Variants in CASP6 observed in about 807,000 individuals in gnomAD.
The protein encoded by CASP6 is caspase 6.
CASP6 carries 20 observed loss-of-function variants against 31.8 expected under a neutral mutation model. The ratio of observed to expected loss-of-function variants is 0.63; its 90% confidence interval spans 0.44 to 0.91. CASP6 has a LOEUF of 0.91. Ranked by LOEUF, CASP6 falls within the 40% of genes least tolerant of loss-of-function variation. CASP6 has a pLI of 0.00. For missense variants in CASP6, 328 were observed against 361.1 expected, an observed-to-expected ratio of 0.91 and a Z score of 0.74; for synonymous variants, 130 against 127.8, an observed-to-expected ratio of 1.02 and a Z score of -0.12.
At position 109,697,767 on chromosome 4, in the gene CASP6, C is replaced by A; in HGVS notation, c.85G>T (p.Glu29Ter). 6.2e-7 allele frequency: 1 copy of A among 1,612,024 alleles called. No individual in the cohort carries two copies. The highest frequency in any genetic ancestry group is 8.5e-7 in the Non-Finnish European group (1 of 1,179,358). Residue 29 changes from glutamate (E) to a stop codon, truncating the protein, a stop_gained and splice_region_variant, in exon 3 of 7, where the codon GAA becomes TAA. Coordinates refer to ENST00000265164, the MANE Select transcript of CASP6 (RefSeq NM_001226.4). LOFTEE classifies it high-confidence loss of function. ...TACTTTTCTGCCGGATCAAACATTT[C>A]TCTGTTAATGAAAAGTTGAAAAACA... The part of the protein sequence containing the change: ...MTETDAFYKR[E>*]MFDPAEKYKM...
the CASP6 span, among the ~76,000 whole-genome samples, chr4:109,670,777 A>G: frequency 2.6e-5 from 4 of 151,990 alleles, no homozygotes; most frequent in South Asian, 4.2e-4. Flanking sequence ...CAAAATCACT[A>G]CTTTTCCTTT....
At chr4:109,696,353 A>G in intron 4 of CASP6, 57 bp downstream of exon 4, 1 of 1,250,580 alleles carries the variant, frequency 8.0e-7, no homozygotes, top group Non-Finnish European at 1.2e-6. Flanking sequence ...TACAGATAGG[A>G]TAAAGGACTC....
chr4:109,664,456 GCT>G, the CASP6 span: 1 of 660,184 alleles, frequency 1.5e-6, no homozygotes, highest in South Asian at 1.7e-5. Context: ...ATTCTCACTT[GCT>G]CTGTTTCCCA....
At chr4:109,667,217 C>T in the CASP6 span, among the ~76,000 whole-genome samples, 1 of 152,002 alleles carries the variant, frequency 6.6e-6, no homozygotes, top group East Asian at 1.9e-4. Context: ...CCATCTGGAC[C>T]TGGTGCTTTC....
At chr4:109,704,319 C>T (rs1396551234), upstream of CASP6, among the ~76,000 whole-genome samples, 1 of 152,118 alleles carries the variant, frequency 6.6e-6, no homozygotes, top group Non-Finnish European at 1.5e-5. Context: ...GGAGAAAAGC[C>T]AAGTCATGAA....
chr4:109,685,358 C>G, downstream of CASP6: 1 of 1,451,416 alleles, frequency 6.9e-7, no homozygotes. Context: ...TAAAAGAAGA[C>G]CTTGCTAAGG....
intron 5 of CASP6, chr4:109,692,682 TAA>T (rs1730096326): frequency 2.0e-5 from 3 of 152,084 alleles, no homozygotes; most frequent in African/African-American, 7.3e-5. Context: ...TCAACACGAG[TAA>T]ACTCATCTAA....
At chr4:109,698,956 C>T (rs899859787) in intron 1 of CASP6, among the ~76,000 whole-genome samples, 1 of 152,214 alleles carries the variant, frequency 6.6e-6, no homozygotes, top group Non-Finnish European at 1.5e-5. Flanking sequence ...TCTCTACTCT[C>T]TAGAGCAGTG....
At chr4:109,709,481 G>A in the CASP6 span, among the ~76,000 whole-genome samples, 1 of 152,152 alleles carries the variant, frequency 6.6e-6, no homozygotes, top group Non-Finnish European at 1.5e-5. Context: ...CCATAAAAGT[G>A]ACTTATTGAA....
chr4:109,674,150 G>A, the CASP6 span: 10,992 of 1,165,850 alleles, frequency 9.4e-3, 328 homozygotes, highest in East Asian at 0.056. Flanking sequence ...CTTGTTGGAG[G>A]AGCTTGCTTT....
chr4:109,689,992 C>T (rs1463585834), intron 6 of CASP6, among the ~76,000 whole-genome samples: 1 of 151,488 alleles, frequency 6.6e-6, no homozygotes, highest in Non-Finnish European at 1.5e-5. Flanking sequence ...CGAGACCAGC[C>T]TGGCCAACAT....
At chr4:109,692,627 T>C (rs1432813666) in intron 5 of CASP6, 2 of 152,246 alleles carry the variant, frequency 1.3e-5, no homozygotes, top group Non-Finnish European at 2.9e-5. Flanking sequence ...CCATTCCTCA[T>C]GGGTGCCCCT....
At chr4:109,669,760 T>A in the CASP6 span, among the ~76,000 whole-genome samples, 3 of 152,042 alleles carry the variant, frequency 2.0e-5, no homozygotes, top group Admixed American at 2.0e-4. Context: ...TAATGAAATA[T>A]CCTTAAGCTT....
chr4:109,679,293 A>G, the CASP6 span, among the ~76,000 whole-genome samples: 1 of 152,222 alleles, frequency 6.6e-6, no homozygotes, highest in Non-Finnish European at 1.5e-5. Flanking sequence ...AGGCCAAGGC[A>G]GGCGGCTGGG....
chr4:109,678,704 CGG>C, the CASP6 span, among the ~76,000 whole-genome samples: 3,818 of 129,016 alleles, frequency 0.03, 187 homozygotes, highest in African/African-American at 0.11. Flanking sequence ...ACTTCCCAGA[CGG>C]GGTGGTGGCC....
At chr4:109,690,123 T>G (rs1471356242) in intron 6 of CASP6, among the ~76,000 whole-genome samples, 1 of 150,692 alleles carries the variant, frequency 6.6e-6, no homozygotes, top group Non-Finnish European at 1.5e-5. Flanking sequence ...AGGCAGAGGT[T>G]GCAGTGAGCT....
At chr4:109,691,169 C>T (rs1259449081) in intron 5 of CASP6, among the ~76,000 whole-genome samples, 160 bp from the exon 6 acceptor site, 1 of 152,150 alleles carries the variant, frequency 6.6e-6, no homozygotes, top group Non-Finnish European at 1.5e-5. Flanking sequence ...GGCACAAAAG[C>T]CAACAAAGTT....
the CASP6 span, among the ~76,000 whole-genome samples, chr4:109,670,215 T>G: frequency 6.6e-6 from 1 of 152,182 alleles, no homozygotes; most frequent in African/African-American, 2.4e-5. Flanking sequence ...TAGGTCTCAG[T>G]CTTTTAGTGA....
chr4:109,694,702 T>A lies in CASP6; in HGVS notation c.308-2A>T, dbSNP rs1730183076. On this transcript the variant is annotated splice_acceptor_variant, in intron 4 of 6. Transcript: ENST00000265164. LOFTEE classifies it high-confidence loss of function. ...CATCTGCGTGGCTAACAGTTGACAC[T>A]ATAAAGGACCCAAAAGAGAATATAG... The A allele has an allele frequency of 1.3e-6, 2 of 1,565,572 alleles. No homozygotes were observed. Among genetic ancestry groups the A allele is most frequent in the African/African-American group, 2.7e-5 (2 of 72,764 alleles).
Sources: gnomAD v4.1 joint callset for allele counts (sites outside exome capture counted in the v4.1 genomes callset) on GRCh38, gnomAD v4.1.1 for gene constraint, MANE v1.5 for transcripts, NCBI Gene and HGNC (gene_info 2026-07-23, HGNC 2026-07-21) for gene names.